Variants in LDLRAD4 observed in about 807,000 individuals in gnomAD.
LDLRAD4 encodes the protein low density lipoprotein receptor class A domain containing 4.
LDLRAD4 carries 5 observed loss-of-function variants against 17.0 expected under a neutral mutation model. The ratio of observed to expected loss-of-function variants is 0.29; its 90% CI spans 0.15 to 0.62. The LOEUF (loss-of-function observed/expected upper bound fraction) is 0.62. Among genes scored for constraint, LDLRAD4 ranks in the 20% least tolerant of loss-of-function variants. LDLRAD4 has a pLI of 0.84. For synonymous variants in LDLRAD4, 168 were observed against 171.8 expected (o/e 0.98, Z 0.17); for missense variants, 340 against 424.7 (o/e 0.80, Z 1.75).
chr18:13,351,115 T>A (rs1456359284), intron 1 of LDLRAD4, among the ~76,000 whole-genome samples: 1 of 152,216 alleles, frequency 6.6e-6, no homozygotes, highest in African/African-American at 2.4e-5. Flanking sequence ...CTATATAGGA[T>A]CTTTTTTGGT....
rs144407402 is a variant in LDLRAD4, at chr18:13,333,101, C to T, written c.-382-54240C>T. The stretch of plus-strand genomic sequence containing the variant: ...TTGGTATTGTCAGTGTTCTGGATTT[C>T]GGCCATTCTAATAGGTGCGTAGTGG... On this transcript the variant is annotated intron_variant, in intron 1 of 5. Transcript: ENST00000359446. Among the ~76,000 whole-genome samples the T allele has an allele frequency of 5.9e-3, 902 of 152,134 alleles. 11 individuals carry two copies. Among genetic ancestry groups the T allele is most frequent in the African/African-American group, 0.021 (873 of 41,504 alleles).
chr18:13,275,105 T>G (rs1041852213), upstream of LDLRAD4, among the ~76,000 whole-genome samples: 2 of 152,198 alleles, frequency 1.3e-5, no homozygotes, highest in Non-Finnish European at 2.9e-5. Flanking sequence ...TGGCATTTTG[T>G]TTTAGAATTA....
chr18:13,224,372 G>A (rs546507152), intron 1 of LDLRAD4, among the ~76,000 whole-genome samples: 5 of 152,244 alleles, frequency 3.3e-5, no homozygotes, highest in South Asian at 2.1e-4. Flanking sequence ...AACTGCCTGG[G>A]TCTGGGGGTG....
chr18:13,299,469 A>C (rs1430150979), intron 1 of LDLRAD4, among the ~76,000 whole-genome samples: 1 of 152,174 alleles, frequency 6.6e-6, no homozygotes, highest in African/African-American at 2.4e-5. Flanking sequence ...AGCACTCGTG[A>C]GCCCTGAGTT....
At position 13,609,536 on chromosome 18, in the gene LDLRAD4, T is replaced by C. The variant is rs965783509; in HGVS notation, c.182-11581T>C. Among the ~76,000 whole-genome samples, 131 of 145,366 alleles carry C rather than the reference T, an allele frequency of 9.0e-4. 2 individuals are homozygous for C. The East Asian group carries it at 0.025, about 27-fold the overall frequency. ...CATTATGCGTGTGTGTGTGCGTGTGTGTGTGTGTGTGTGTGTGTGTGTTAG... is the reference window on the plus strand; with the variant it reads ...CATTATGCGTGTGTGTGTGCGTGTGCGTGTGTGTGTGTGTGTGTGTGTTAG... On this transcript the variant is annotated intron_variant, in intron 3 of 5. Coordinates refer to ENST00000359446, the Ensembl canonical transcript of LDLRAD4.
At chr18:13,309,622 G>A (rs1416232813) in intron 1 of LDLRAD4, among the ~76,000 whole-genome samples, 1 of 152,188 alleles carries the variant, frequency 6.6e-6, no homozygotes, top group Non-Finnish European at 1.5e-5. Context: ...AAACAAGTTA[G>A]AGTCAGTCAT....
Position 13,291,214 on chromosome 18 carries a change from T to C in LDLRAD4, c.-383+13026T>C, listed in dbSNP as rs2045943691. 1.3e-5 allele frequency among the ~76,000 whole-genome samples: 2 copies of C among 152,040 alleles called. 1 individual carries two copies. The highest frequency in any genetic ancestry group is 1.3e-4 in the Admixed American group (2 of 15,272). Reference sequence around the variant, plus strand: ...CTGTTTGCTGACGTCTTTACACCTCTCCAACTGAGGCTCAATCTGTTGTGC... The same window carrying C: ...CTGTTTGCTGACGTCTTTACACCTCCCCAACTGAGGCTCAATCTGTTGTGC... On this transcript the variant is annotated intron_variant, in intron 1 of 5. Coordinates refer to ENST00000359446, the Ensembl canonical transcript of LDLRAD4.
chr18:13,590,518 G>A lies in LDLRAD4; in HGVS notation c.182-30599G>A, dbSNP rs543608901. On this transcript the variant is annotated intron_variant, in intron 3 of 5. Coordinates refer to ENST00000359446, the Ensembl canonical transcript of LDLRAD4. ...GAATGTACACGGCCCTGCAGCTCCC[G>A]AAGGCCAGCTCTGCTGCAACCCCTC... Among the ~76,000 whole-genome samples, 5 of 152,314 alleles carry A rather than the reference G, an allele frequency of 3.3e-5. No individual in the cohort carries two copies. The East Asian group carries it at 5.8e-4, about 18-fold the overall frequency.
At chr18:13,226,171 C>G (rs966652526) in intron 1 of LDLRAD4, among the ~76,000 whole-genome samples, 7 of 54,478 alleles carry the variant, frequency 1.3e-4, no homozygotes, top group Non-Finnish European at 2.0e-4. Context: ...CAGATGCTGC[C>G]ATGCCTTGCT....
At chr18:13,220,348 C>A (rs1218136910) in intron 1 of LDLRAD4, among the ~76,000 whole-genome samples, 1 of 152,192 alleles carries the variant, frequency 6.6e-6, no homozygotes, top group African/African-American at 2.4e-5. Flanking sequence ...AAGGGCTTGC[C>A]ATTGTTGGCC....
intron 3 of LDLRAD4, among the ~76,000 whole-genome samples, chr18:13,525,922 C>T (rs2094024657): frequency 6.6e-6 from 1 of 152,202 alleles, no homozygotes. Flanking sequence ...ATATCTTGCG[C>T]CCTCCTGTGT....
intron 1 of LDLRAD4, among the ~76,000 whole-genome samples, chr18:13,323,537 G>C (rs749342530): frequency 1.6e-4 from 25 of 152,154 alleles, no homozygotes; most frequent in Non-Finnish European, 3.1e-4. Context: ...ACTCAAGTGA[G>C]GTGCCACGTT....
At chr18:13,321,015 G>A (rs2081186616) in intron 1 of LDLRAD4, among the ~76,000 whole-genome samples, 1 of 152,200 alleles carries the variant, frequency 6.6e-6, no homozygotes, top group African/African-American at 2.4e-5. Context: ...GCCCTAGTGA[G>A]TTCAGTGTGG....
At chr18:13,589,556 C>T (rs903518121) in intron 3 of LDLRAD4, among the ~76,000 whole-genome samples, 4 of 152,172 alleles carry the variant, frequency 2.6e-5, no homozygotes, top group African/African-American at 9.7e-5. Context: ...GCCACTGTGT[C>T]CTCTTACACA....
At chr18:13,371,696 C>T (rs1053870333) in intron 1 of LDLRAD4, among the ~76,000 whole-genome samples, 10 of 150,220 alleles carry the variant, frequency 6.7e-5, no homozygotes, top group African/African-American at 1.2e-4. Context: ...ACCCGAGAGG[C>T]GGAGGTTGCA....
intron 1 of LDLRAD4, among the ~76,000 whole-genome samples, chr18:13,382,950 A>G (rs192909014): frequency 8.8e-4 from 134 of 152,330 alleles, no homozygotes; most frequent in Middle Eastern, 3.4e-3. Flanking sequence ...CATTTAAGTC[A>G]ATGACCTCTG....
chr18:13,632,034 A>C (rs879545534), intron 4 of LDLRAD4, among the ~76,000 whole-genome samples: 1 of 152,250 alleles, frequency 6.6e-6, no homozygotes. Flanking sequence ...GGTTCCATAC[A>C]TGAAATTCAG....
Position 13,385,049 on chromosome 18 carries a change from A to C in LDLRAD4, c.-382-2292A>C, listed in dbSNP as rs547162032. Among the ~76,000 whole-genome samples, 17 of 152,320 alleles carry C rather than the reference A, an allele frequency of 1.1e-4. No individual in the cohort carries two copies. In the East Asian group the frequency reaches 3.1e-3, roughly 28 times the overall value. ...TGGTGATTCTATTTTTAGTCTTTTGAGGAACCTCCATACTGTTTTCCGAAA... is the reference window on the plus strand; with the variant it reads ...TGGTGATTCTATTTTTAGTCTTTTGCGGAACCTCCATACTGTTTTCCGAAA... On this transcript the variant is annotated intron_variant, in intron 1 of 5. Coordinates refer to ENST00000359446, the Ensembl canonical transcript of LDLRAD4.
At chr18:13,273,927 G>A (rs10853230), upstream of LDLRAD4, among the ~76,000 whole-genome samples, 69,871 of 151,726 alleles carry the variant, frequency 0.46, 18,008 homozygotes, top group Non-Finnish European at 0.58. Context: ...TCTGGGACGT[G>A]TCATTCAGGA....
Sources: allele counts gnomAD v4.1 joint callset (sites outside exome capture counted in the v4.1 genomes callset), GRCh38; gene constraint gnomAD v4.1.1; transcripts MANE v1.5; gene names NCBI Gene and HGNC (gene_info 2026-07-23, HGNC 2026-07-21).